The following TMBIM6 variants were observed in gnomAD, a reference collection of about 807,000 sequenced individuals.
TMBIM6 encodes transmembrane BAX inhibitor motif containing 6.
A neutral mutation model predicts 31.4 loss-of-function variants in TMBIM6; 13 were observed. The ratio of observed to expected loss-of-function variants is 0.41; its 90% CI spans 0.27 to 0.66. The LOEUF (loss-of-function observed/expected upper bound fraction) is 0.66. Ranked by LOEUF, TMBIM6 falls within the 30% of genes least tolerant of loss-of-function variation. The pLI is 0.28. For synonymous variants in TMBIM6, 85 were observed against 101.7 expected (o/e 0.84, Z 0.99); for missense variants, 275 against 289.5 (o/e 0.95, Z 0.36).
At chr12:49,755,794 A>C in intron 4 of TMBIM6, 39 bp downstream of exon 4, 1 of 1,582,494 alleles carries the variant, frequency 6.3e-7, no homozygotes, top group Non-Finnish European at 8.6e-7. Context: ...GGGGTGAGCT[A>C]TATTTTCAGT....
chr12:49,743,071 A>C (rs1427018088), intron 1 of TMBIM6, among the ~76,000 whole-genome samples: 1 of 141,906 alleles, frequency 7.0e-6, no homozygotes, highest in Non-Finnish European at 1.5e-5. Flanking sequence ...TTGAACCTTG[A>C]CCTCTCCTGG....
In TMBIM6 at chr12:49,764,730, A is replaced by AAAG. The variant is rs1945787057; in HGVS notation, c.*1836_*1837insGAA. On this transcript the variant is annotated 3_prime_UTR_variant, in exon 10 of 10. Transcript: ENST00000267115. ...GATATTAAAAAAAAAAAAGAAAGAA[A>AAAG]AAAAAAAAAACACCTACTTTTAAAG... is the stretch of plus-strand genomic sequence containing the variant. 1.3e-5 allele frequency: 2 copies of AAAG among 151,830 alleles called. No individual in the cohort carries two copies. The highest frequency in any genetic ancestry group is 2.4e-5 in the African/African-American group (1 of 41,130). 9.4% of individuals were successfully genotyped at this position (151,830 alleles called of 1,614,324 possible).
chr12:49,742,295 C>T, intron 1 of TMBIM6: 1 of 1,568,712 alleles, frequency 6.4e-7, no homozygotes, highest in Non-Finnish European at 8.6e-7. Flanking sequence ...GGTGGCTTTG[C>T]TTTGCTTGGT....
intron 8 of TMBIM6, among the ~76,000 whole-genome samples, chr12:49,759,805 C>CAAAA (rs57668484): frequency 2.2e-5 from 2 of 91,656 alleles, no homozygotes; most frequent in African/African-American, 6.4e-5. Flanking sequence ...GACCCTGTCT[C>CAAAA]AAAAAAAAAA....
At chr12:49,743,806 A>T (rs78012636) in intron 1 of TMBIM6, among the ~76,000 whole-genome samples, 2 of 152,306 alleles carry the variant, frequency 1.3e-5, no homozygotes, top group Non-Finnish European at 2.9e-5. Flanking sequence ...GCACTAGACT[A>T]TAGTGGTCAG....
intron 7 of TMBIM6, 190 bp from the exon 8 acceptor site, chr12:49,759,030 AG>A: frequency 1.6e-6 from 1 of 627,774 alleles, no homozygotes; most frequent in Non-Finnish European, 2.8e-6. Flanking sequence ...AAACTCTTCC[AG>A]TGACCAGTGC....
At chr12:49,761,874 G>A in intron 9 of TMBIM6, 95 bp downstream of exon 9, 1 of 1,207,482 alleles carries the variant, frequency 8.3e-7, no homozygotes, top group Non-Finnish European at 1.2e-6. Flanking sequence ...CACACACTGT[G>A]TTAGGTCCAG....
At chr12:49,746,275 G>A (rs1040605145) in intron 1 of TMBIM6, among the ~76,000 whole-genome samples, 6 of 151,740 alleles carry the variant, frequency 4.0e-5, no homozygotes, top group African/African-American at 1.5e-4. Flanking sequence ...GTAGAGATGG[G>A]GTTTCATTGT....
chr12:49,753,566 G>A (rs759654734), intron 3 of TMBIM6, among the ~76,000 whole-genome samples: 22 of 152,188 alleles, frequency 1.4e-4, no homozygotes, highest in Non-Finnish European at 2.9e-4. Context: ...GAGAATCTGG[G>A]TTTGGTCAGC....
Position 49,761,720 on chromosome 12 carries a change from T to C in TMBIM6, c.631T>C (p.Phe211Leu). The part of the protein sequence containing the change: ...QDYIWHCIDL[F>L]LDFITVFRKL... ...GCCTTTCAGGCACTGCATTGATCTC[T>C]TCTTAGATTTCATTACTGTCTTCAG... The change falls in exon 9 of 10, where the codon TTC (phenylalanine) becomes CTC (leucine). Residue 211 changes from phenylalanine to leucine, a missense_variant. Phe to Leu is a conservative substitution (Grantham distance 22, BLOSUM62 0). Coordinates refer to ENST00000267115, the MANE Select transcript of TMBIM6 (RefSeq NM_003217.3). 1 of 1,614,260 alleles carries C rather than the reference T, an allele frequency of 6.2e-7. No individual in the cohort carries two copies. Among genetic ancestry groups the C allele is most frequent in the Non-Finnish European group, 8.5e-7 (1 of 1,180,038 alleles).
intron 8 of TMBIM6, among the ~76,000 whole-genome samples, chr12:49,761,078 T>TG (rs1255422613): frequency 2.0e-5 from 3 of 152,060 alleles, no homozygotes; most frequent in African/African-American, 7.2e-5. Flanking sequence ...ACTCAGGTGA[T>TG]GCCCGCCTCA....
chr12:49,752,723 G>C (rs1381680889), intron 2 of TMBIM6, among the ~76,000 whole-genome samples, 174 bp downstream of exon 2: 1 of 152,164 alleles, frequency 6.6e-6, no homozygotes, highest in African/African-American at 2.4e-5. Flanking sequence ...TATTGGAAAG[G>C]CATTTATTCT....
chr12:49,754,917 G>A (rs1241495846), intron 3 of TMBIM6, among the ~76,000 whole-genome samples: 1 of 152,136 alleles, frequency 6.6e-6, no homozygotes, highest in Non-Finnish European at 1.5e-5. Flanking sequence ...TTCTGTATAT[G>A]TATGTGTCTT....
chr12:49,757,640 G>C (rs1055179958), intron 4 of TMBIM6, among the ~76,000 whole-genome samples: 1 of 152,164 alleles, frequency 6.6e-6, no homozygotes, highest in Non-Finnish European at 1.5e-5. Context: ...AGAGATTTAG[G>C]GATTAAAATT....
intron 4 of TMBIM6, among the ~76,000 whole-genome samples, chr12:49,756,462 T>TTTA (rs1415196503): frequency 1.4e-5 from 2 of 146,814 alleles, no homozygotes; most frequent in African/African-American, 5.0e-5. Context: ...TTTTTTTTTT[T>TTTA]AAGATGGAGT....
In TMBIM6 at chr12:49,758,283, T is replaced by C; in HGVS notation, c.335+8T>C. ...TATTGCTGTCAACCCCAGGTAACTC[T>C]TTTGGTAGTGTCTTATGTGCTTTTA... On this transcript the variant is annotated splice_region_variant and intron_variant, in intron 5 of 9. Transcript: ENST00000267115. The C allele has an allele frequency of 6.2e-7, 1 of 1,614,166 alleles. No individual in the cohort carries two copies. Among genetic ancestry groups the C allele is most frequent in the Non-Finnish European group, 8.5e-7 (1 of 1,179,992 alleles).
At position 49,759,826 on chromosome 12, in the gene TMBIM6, G is replaced by A. The variant is rs572816563; in HGVS notation, c.614+505G>A. On this transcript the variant is annotated intron_variant, in intron 8 of 9. Transcript: ENST00000267115. ...GTCTCAAAAAAAAAAAAAAAAAAGT[G>A]TGGGGGCCGGGCACGGTGGCTCACG... Among the ~76,000 whole-genome samples, 388 of 148,596 alleles carry A rather than the reference G, an allele frequency of 2.6e-3. 3 individuals are homozygous for A. Among genetic ancestry groups the A allele is most frequent in the African/African-American group, 9.1e-3 (366 of 40,380 alleles).
At chr12:49,752,607 C>T (rs940797520) in intron 2 of TMBIM6, 58 bp downstream of exon 2, 5 of 1,382,196 alleles carry the variant, frequency 3.6e-6, no homozygotes, top group African/African-American at 2.9e-5. Flanking sequence ...TCTCTTTGTC[C>T]CTTTTCTGCA....
chr12:49,742,169 T>G, intron 1 of TMBIM6: 1 of 1,613,366 alleles, frequency 6.2e-7, no homozygotes, highest in Non-Finnish European at 8.5e-7. Context: ...GCGAGGCTCC[T>G]CAGTTACTTA....
Sources: allele counts gnomAD v4.1 joint callset (sites outside exome capture counted in the v4.1 genomes callset), GRCh38; gene constraint gnomAD v4.1.1; transcripts MANE v1.5; gene names NCBI Gene and HGNC (gene_info 2026-07-23, HGNC 2026-07-21).